The following GATAD2B variants were observed in gnomAD, a reference collection of about 807,000 sequenced individuals.
GATAD2B encodes GATA zinc finger domain containing 2B, also known as transcriptional repressor p66-beta.
In GATAD2B, 8 loss-of-function variants were observed where a neutral mutation model predicts 64.3. The observed-to-expected ratio is 0.12, with a 90% CI of 0.07 to 0.22. The LOEUF is 0.22. Ranked by LOEUF, GATAD2B falls within the 10% of genes least tolerant of loss-of-function variation. The probability of loss-of-function intolerance (pLI) is 1.00; values close to 1 mark genes in which losing one functional copy is unlikely to be tolerated. For missense variants in GATAD2B, 453 were observed against 752.0 expected, an observed-to-expected ratio of 0.60 and a Z score of 4.65; for synonymous variants, 281 against 271.3, an observed-to-expected ratio of 1.04 and a Z score of -0.35.
chr1:153,893,955 TAAA>T lies in GATAD2B; in HGVS notation c.-2+28775_-2+28777del, dbSNP rs57287798. Among the ~76,000 whole-genome samples the T allele has an allele frequency of 8.7e-3, 594 of 68,552 alleles. 11 individuals are homozygous for T. Among genetic ancestry groups the T allele is most frequent in the Middle Eastern group, 0.022 (2 of 92 alleles). 45.0% of individuals were successfully genotyped at this position (68,552 alleles called of 152,430 possible). On this transcript the variant is annotated intron_variant, in intron 1 of 10. Coordinates refer to ENST00000368655, the MANE Select transcript of GATAD2B (RefSeq NM_020699.4). ...CTGGGTGACTGAACAAGACTCCATC[TAAA>T]AAAAAAAAAAAAAAAAAAAAAAAAC...
At chr1:153,841,850 A>G (rs1286178556) in intron 1 of GATAD2B, among the ~76,000 whole-genome samples, 2 of 152,208 alleles carry the variant, frequency 1.3e-5, no homozygotes, top group Admixed American at 6.6e-5. Flanking sequence ...GTTCGGTTTT[A>G]TAAGAAACTG....
chr1:153,822,299 C>A (rs1674709410), intron 2 of GATAD2B, among the ~76,000 whole-genome samples: 1 of 152,148 alleles, frequency 6.6e-6, no homozygotes, highest in Non-Finnish European at 1.5e-5. Context: ...CAGATTATTT[C>A]TAAGGTAAGG....
chr1:153,850,568 G>A (rs148035748), intron 1 of GATAD2B, among the ~76,000 whole-genome samples: 9 of 152,174 alleles, frequency 5.9e-5, no homozygotes, highest in Admixed American at 2.0e-4. Flanking sequence ...CCAAAATGCT[G>A]GGATTACAGG....
intron 1 of GATAD2B, among the ~76,000 whole-genome samples, chr1:153,859,461 G>GC (rs907254208): frequency 6.6e-6 from 1 of 151,572 alleles, no homozygotes; most frequent in African/African-American, 2.4e-5. Flanking sequence ...CCTGAGGTCA[G>GC]GAGTTCGAGA....
rs527982984 is a variant in GATAD2B, at chr1:153,883,715, C to CT, written c.-2+39017dup. ...GACTGCACTGGTCTTTTTTTTTTTTCTTTTTTATCAGTTTTTAATATAAAA... is the reference window on the plus strand; with the variant it reads ...GACTGCACTGGTCTTTTTTTTTTTTCTTTTTTTATCAGTTTTTAATATAAAA... On this transcript the variant is annotated intron_variant, in intron 1 of 10. Coordinates refer to ENST00000368655, the MANE Select transcript of GATAD2B (RefSeq NM_020699.4). Among the ~76,000 whole-genome samples the CT allele has an allele frequency of 5.7e-5, 8 of 139,728 alleles. No homozygotes were observed. The East Asian group carries it at 1.3e-3, about 22-fold the overall frequency. The allele number at this position is 139,728 out of a possible 152,430, so 91.7% of individuals were successfully genotyped here. A position where few individuals can be genotyped will look rare whatever the true frequency, so the allele number is the denominator to read the frequency against.
In GATAD2B at chr1:153,806,851, A is replaced by T. The variant is rs2101869991; in HGVS notation, c.*3326T>A. 1.3e-5 allele frequency: 2 copies of T among 152,624 alleles called. No homozygotes were observed. Among genetic ancestry groups the T allele is most frequent in the South Asian group, 4.2e-4 (2 of 4,812 alleles). The allele number at this position is 152,624 out of a possible 1,614,324, so 9.5% of individuals were successfully genotyped here. A position where few individuals can be genotyped will look rare whatever the true frequency, so the allele number is the denominator to read the frequency against. On this transcript the variant is annotated 3_prime_UTR_variant, in exon 11 of 11. Transcript: ENST00000368655. ...ATGATTAGGGAAAAGGAACAAAAGT[A>T]AAATATCAAGAAGCATCTTTACAAA...
At chr1:153,859,907 C>CTTTTTTTTTTTTT (rs34557576) in intron 1 of GATAD2B, among the ~76,000 whole-genome samples, 1 of 60,876 alleles carries the variant, frequency 1.6e-5, no homozygotes, top group African/African-American at 6.9e-5. Context: ...CTTTTCTTTT[C>CTTTTTTTTTTTTT]TTTTTTTTTT....
chr1:153,889,202 C>T (rs780404533), intron 1 of GATAD2B, among the ~76,000 whole-genome samples: 6 of 151,662 alleles, frequency 4.0e-5, no homozygotes, highest in Admixed American at 1.3e-4. Context: ...CACCTGAGGT[C>T]GGGAGTTCGA....
chr1:153,875,683 GAAAAAAAA>G (rs11340415), intron 1 of GATAD2B, among the ~76,000 whole-genome samples: 4 of 78,392 alleles, frequency 5.1e-5, no homozygotes, highest in Admixed American at 1.7e-4. Context: ...AGTTTGGAGG[GAAAAAAAA>G]AAAAAAAAAA....
chr1:153,879,067 G>A (rs1676927807), intron 1 of GATAD2B, among the ~76,000 whole-genome samples: 1 of 152,030 alleles, frequency 6.6e-6, no homozygotes, highest in Admixed American at 6.6e-5. Flanking sequence ...AGCCTCCCGA[G>A]TAGCTGGGAC....
At chr1:153,870,808 A>G (rs995689938) in intron 1 of GATAD2B, among the ~76,000 whole-genome samples, 1 of 152,156 alleles carries the variant, frequency 6.6e-6, no homozygotes. Flanking sequence ...AAAATCCAAC[A>G]TTGGAAACAC....
chr1:153,884,509 G>A (rs1040468620), intron 1 of GATAD2B, among the ~76,000 whole-genome samples: 1 of 152,116 alleles, frequency 6.6e-6, no homozygotes, highest in African/African-American at 2.4e-5. Context: ...GGCTGAGGCA[G>A]GAGAATCGTC....
chr1:153,914,905 C>T (rs1678216918), intron 1 of GATAD2B, among the ~76,000 whole-genome samples: 1 of 151,180 alleles, frequency 6.6e-6, no homozygotes, highest in African/African-American at 2.4e-5. Context: ...CCAATCTGGG[C>T]AACAGAGCAA....
In GATAD2B at chr1:153,895,333, CA is replaced by C. The variant is rs771122915; in HGVS notation, c.-2+27399del. ...TGGGTGACAGAGCGAGACTCCATCT[CA>C]AAAAAAAAAAAAAAGTTTACAGAAA... On this transcript the variant is annotated intron_variant, in intron 1 of 10. Transcript: ENST00000368655. Among the ~76,000 whole-genome samples, 1,117 of 116,854 alleles carry C rather than the reference CA, an allele frequency of 9.6e-3. 12 individuals carry two copies. The highest frequency in any genetic ancestry group is 0.027 in the African/African-American group (874 of 32,518). 76.7% of individuals were successfully genotyped at this position (116,854 alleles called of 152,430 possible).
chr1:153,890,175 A>G (rs1019091136), intron 1 of GATAD2B, among the ~76,000 whole-genome samples: 10 of 149,472 alleles, frequency 6.7e-5, no homozygotes, highest in African/African-American at 2.5e-4. Context: ...TCTGTTTCAA[A>G]AAAAAAAAAA....
At chr1:153,844,721 A>G (rs1242961219) in intron 1 of GATAD2B, among the ~76,000 whole-genome samples, 1 of 128,248 alleles carries the variant, frequency 7.8e-6, no homozygotes, top group Non-Finnish European at 1.6e-5. Context: ...ATGAGATCAC[A>G]TGGACACACG....
intron 4 of GATAD2B, 58 bp from the exon 5 acceptor site, chr1:153,818,229 A>G (rs2101881544): frequency 6.9e-7 from 1 of 1,459,684 alleles, no homozygotes; most frequent in East Asian, 2.5e-5. Flanking sequence ...GAAATTTGGT[A>G]CATTTCTAGA....
At chr1:153,918,126 A>C (rs1041133931) in intron 1 of GATAD2B, among the ~76,000 whole-genome samples, 1 of 152,210 alleles carries the variant, frequency 6.6e-6, no homozygotes, top group Admixed American at 6.5e-5. Context: ...AGAGAGCAAG[A>C]GGGAAGATGA....
At chr1:153,894,776 C>T (rs1218793478) in intron 1 of GATAD2B, among the ~76,000 whole-genome samples, 8 of 152,110 alleles carry the variant, frequency 5.3e-5, no homozygotes, top group Non-Finnish European at 1.2e-4. Context: ...GCAGGAGAAT[C>T]GCTTGAACCC....
Sources: allele counts gnomAD v4.1 joint callset (sites outside exome capture counted in the v4.1 genomes callset), GRCh38; gene constraint gnomAD v4.1.1; transcripts MANE v1.5; gene names NCBI Gene and HGNC (gene_info 2026-07-23, HGNC 2026-07-21).